Variants in C19orf67 observed in about 807,000 individuals in gnomAD.
The protein encoded by C19orf67 is chromosome 19 open reading frame 67.
In C19orf67, 28 loss-of-function variants were observed where a neutral mutation model predicts 41.4. That is an observed-to-expected ratio of 0.68 (90% confidence interval 0.50 to 0.93). The LOEUF (loss-of-function observed/expected upper bound fraction) is 0.93, where lower values mean the gene tolerates loss of function less well. Ranked by LOEUF, C19orf67 falls within the 40% of genes least tolerant of loss-of-function variation. The pLI, the probability that C19orf67 is intolerant of heterozygous loss-of-function variation, is 0.00. For missense variants in C19orf67, 421 were observed against 467.0 expected (o/e 0.90, Z 0.91); for synonymous variants, 242 against 203.4 (o/e 1.19, Z -1.62).
Position 14,083,893 on chromosome 19 carries a change from G to A in C19orf67, c.336-16C>T, listed in dbSNP as rs1450900280. ...TTGGTCTCTGCTGAAGGAAGAAGGG[G>A]GCCTTTGCCTGGAATCCCTCACAAC... On this transcript the variant is annotated splice_polypyrimidine_tract_variant and intron_variant, in intron 1 of 5. Coordinates refer to ENST00000548523, the MANE Select transcript of C19orf67 (RefSeq NM_001277378.2). 1 of 1,299,088 alleles carries A rather than the reference G, an allele frequency of 7.7e-7. No individual in the cohort carries two copies. The highest frequency in any genetic ancestry group is 1.5e-5 in the African/African-American group (1 of 67,184). The allele number at this position is 1,299,088 out of a possible 1,614,324, so 80.5% of individuals were successfully genotyped here.
In C19orf67 at chr19:14,081,638, T is replaced by C. The variant is rs1311000172; in HGVS notation, c.*196A>G. ...CTGAGCCTGTGACCTCTTTCTTTCT[T>C]TTATTTAACACAAAACTGACGTGTC... On this transcript the variant is annotated 3_prime_UTR_variant, in exon 6 of 6. Transcript: ENST00000548523. 2 of 431,848 alleles carry C rather than the reference T, an allele frequency of 4.6e-6. No individual in the cohort carries two copies. The highest frequency in any genetic ancestry group is 8.1e-6 in the Non-Finnish European group (2 of 247,018). The allele number at this position is 431,848 out of a possible 1,614,324, so 26.8% of individuals were successfully genotyped here.
chr19:14,082,445 C>T, intron 5 of C19orf67, 24 bp downstream of exon 5: 1 of 1,511,068 alleles, frequency 6.6e-7, no homozygotes, highest in Non-Finnish European at 8.8e-7. Context: ...CCCAGGCCCA[C>T]GTTGCTATTG....
In C19orf67 at chr19:14,083,311, G is replaced by T. The variant is rs1204928284; in HGVS notation, c.693C>A (p.Leu231=). Residue 231 remains leucine (L), a synonymous_variant, in exon 4 of 6, where the codon CTC becomes CTA. Coordinates refer to ENST00000548523, the MANE Select transcript of C19orf67 (RefSeq NM_001277378.2). ...AYTASRFPRY[L]YKKMRWHLEA... is the part of the protein sequence containing the mutation. ...CCAGGTGCCAGCGCATCTTCTTATA[G>T]AGGTAGCGGGGGAAGCGGCTGGCAG... is the stretch of plus-strand genomic sequence containing the variant. 6.5e-7 allele frequency: 1 copy of T among 1,536,106 alleles called. No individual in the cohort carries two copies. Among genetic ancestry groups the T allele is most frequent in the Non-Finnish European group, 8.7e-7 (1 of 1,146,900 alleles).
Position 14,083,448 on chromosome 19 carries a change from G to C in C19orf67, c.582-26C>G, listed in dbSNP as rs545983516. On this transcript the variant is annotated intron_variant, in intron 3 of 5. Transcript: ENST00000548523. ...CTGGCGAGACATGAGAGAATGGAGG[G>C]GTGAGGCTGGGCCTTGGACTCCTTC... 686 of 1,530,790 alleles carry C rather than the reference G, an allele frequency of 4.5e-4. 2 individuals carry two copies. Among genetic ancestry groups the C allele is most frequent in the East Asian group, 6.9e-4 (28 of 40,772 alleles). The allele number at this position is 1,530,790 out of a possible 1,614,324, so 94.8% of individuals were successfully genotyped here.
In C19orf67 at chr19:14,081,766, C is replaced by A; in HGVS notation, c.*68G>T. The A allele has an allele frequency of 1.5e-6, 2 of 1,291,822 alleles. No individual in the cohort carries two copies. Among genetic ancestry groups the A allele is most frequent in the Non-Finnish European group, 1.0e-6 (1 of 976,498 alleles). 80.0% of individuals were successfully genotyped at this position (1,291,822 alleles called of 1,614,324 possible). A position where few individuals can be genotyped will look rare whatever the true frequency, so the allele number is the denominator to read the frequency against. On this transcript the variant is annotated 3_prime_UTR_variant, in exon 6 of 6. Coordinates refer to ENST00000548523, the MANE Select transcript of C19orf67 (RefSeq NM_001277378.2). ...GGGCTGCACTGCGAGAACGAGTGAGCCCCTCCCCTGCCCCCTATTCTGGAG... is the reference window on the plus strand; with the variant it reads ...GGGCTGCACTGCGAGAACGAGTGAGACCCTCCCCTGCCCCCTATTCTGGAG...
intron 1 of C19orf67, among the ~76,000 whole-genome samples, chr19:14,084,572 T>A (rs1238910212): frequency 2.0e-5 from 3 of 151,200 alleles, no homozygotes; most frequent in Non-Finnish European, 4.4e-5. Context: ...GTGGCTCACG[T>A]CTGTAATTCC....
At position 14,085,684 on chromosome 19, in the gene C19orf67, G is replaced by A; in HGVS notation, c.-57C>T. 1 of 1,360,660 alleles carries A rather than the reference G, an allele frequency of 7.3e-7. No individual in the cohort carries two copies. 84.3% of individuals were successfully genotyped at this position (1,360,660 alleles called of 1,614,324 possible). ...TTAAGCTTCCGCTGCTGCTCAGGTT[G>A]GCCGCGGGTTCGACCCCGCCCCGGG... is the stretch of plus-strand genomic sequence containing the variant. On this transcript the variant is annotated 5_prime_UTR_variant, in exon 1 of 6. Transcript: ENST00000548523.
At chr19:14,082,858 T>C (rs1217177714) in intron 4 of C19orf67, among the ~76,000 whole-genome samples, 2 of 152,064 alleles carry the variant, frequency 1.3e-5, no homozygotes, top group African/African-American at 4.8e-5. Context: ...ACTTTTTTTT[T>C]TTTTTAAGAG....
At chr19:14,082,797 G>A (rs1346566936) in intron 4 of C19orf67, among the ~76,000 whole-genome samples, 194 bp from the exon 5 acceptor site, 1 of 151,840 alleles carries the variant, frequency 6.6e-6, no homozygotes, top group African/African-American at 2.4e-5. Flanking sequence ...TGGGAGGGTG[G>A]GTTTTAAGAA....
Position 14,083,624 on chromosome 19 carries a change from T to A in C19orf67, c.481-19A>T, listed in dbSNP as rs1243257902. 1.3e-6 allele frequency: 2 copies of A among 1,533,760 alleles called. No homozygotes were observed. The highest frequency in any genetic ancestry group is 1.7e-6 in the Non-Finnish European group (2 of 1,145,558). On this transcript the variant is annotated intron_variant, in intron 2 of 5. Transcript: ENST00000548523. The stretch of plus-strand genomic sequence containing the variant: ...CTAACAGCTGCATACAAGAGGGGGG[T>A]ACAGTGAGATCAGCTGGCCTGCGAG...
intron 1 of C19orf67, among the ~76,000 whole-genome samples, chr19:14,084,245 T>G (rs757771452): frequency 1.3e-5 from 2 of 151,538 alleles, no homozygotes; most frequent in African/African-American, 2.4e-5. Flanking sequence ...ACAAAAATAA[T>G]TAGCTGGGCA....
chr19:14,082,087 G>A, intron 5 of C19orf67, 79 bp from the exon 6 acceptor site: 2 of 1,229,434 alleles, frequency 1.6e-6, no homozygotes, highest in Non-Finnish European at 2.2e-6. Context: ...CTTTGAGTGA[G>A]AGGCTCAGGT....
In C19orf67 at chr19:14,083,836, G is replaced by C; in HGVS notation, c.377C>G (p.Pro126Arg). 7.2e-7 allele frequency: 1 copy of C among 1,396,452 alleles called. No homozygotes were observed. The highest frequency in any genetic ancestry group is 9.3e-7 in the Non-Finnish European group (1 of 1,075,464). 86.5% of individuals were successfully genotyped at this position (1,396,452 alleles called of 1,614,324 possible). ...VQKEQLAKAM[P>R]TFLQMCEPYF... ...GGGCTCACACATCTGTAAGAAGGTG[G>C]GCATGGCCTTGGCCAGCTGCTCCTT... is the stretch of plus-strand genomic sequence containing the variant. The change falls in exon 2 of 6, where the codon CCC (proline) becomes CGC (arginine). Residue 126 changes from proline to arginine, a missense_variant. Physicochemically the swap from Pro to Arg is moderately radical, Grantham distance 103. Coordinates refer to ENST00000548523, the MANE Select transcript of C19orf67 (RefSeq NM_001277378.2).
rs1282729770 is a variant in C19orf67, at chr19:14,085,638, G to C, written c.-11C>G. ...CTGCTCTGTAGCCATGGTAGGGCCG[G>C]GGGGCGGGAACCTGAGCTCTTTAAG... On this transcript the variant is annotated 5_prime_UTR_variant, in exon 1 of 6. Transcript: ENST00000548523. The C allele has an allele frequency of 3.3e-6, 5 of 1,521,716 alleles. No individual in the cohort carries two copies. The highest frequency in any genetic ancestry group is 2.4e-5 in the East Asian group (1 of 40,868). 94.3% of individuals were successfully genotyped at this position (1,521,716 alleles called of 1,614,324 possible).
In C19orf67 at chr19:14,082,104, G is replaced by C. The variant is rs868382453; in HGVS notation, c.903-96C>G. The C allele has an allele frequency of 9.8e-6, 11 of 1,125,980 alleles. 1 individual carries two copies. In the Middle Eastern group the frequency reaches 2.2e-3, roughly 229 times the overall value. 69.7% of individuals were successfully genotyped at this position (1,125,980 alleles called of 1,614,324 possible). A position where few individuals can be genotyped will look rare whatever the true frequency, so the allele number is the denominator to read the frequency against. ...TTGAGTGAGAGGCTCAGGTGAAAGA[G>C]GCTTTGTTTCAGCTGCGGGTGGGAA... On this transcript the variant is annotated intron_variant, in intron 5 of 5. Transcript: ENST00000548523.
intron 1 of C19orf67, among the ~76,000 whole-genome samples, chr19:14,084,388 TC>T (rs1383667327): frequency 6.8e-6 from 1 of 148,104 alleles, no homozygotes; most frequent in African/African-American, 2.6e-5. Context: ...AGACCCTGTC[TC>T]ATTAAAAAAA....
At chr19:14,083,971 T>TG in intron 1 of C19orf67, 94 bp from the exon 2 acceptor site, 2 of 1,200,576 alleles carry the variant, frequency 1.7e-6, no homozygotes, top group Non-Finnish European at 2.1e-6. Context: ...CCTGTATCCC[T>TG]GGCTTTGACC....
intron 4 of C19orf67, 67 bp downstream of exon 4, chr19:14,083,170 G>A: frequency 7.1e-7 from 1 of 1,402,356 alleles, no homozygotes; most frequent in East Asian, 2.5e-5. Flanking sequence ...GCTGGTGACG[G>A]TTTGGAGGGT....
chr19:14,081,776 G>T lies in C19orf67; in HGVS notation c.*58C>A. 7.4e-7 allele frequency: 1 copy of T among 1,354,284 alleles called. No homozygotes were observed. Among genetic ancestry groups the T allele is most frequent in the Non-Finnish European group, 9.7e-7 (1 of 1,026,334 alleles). The allele number at this position is 1,354,284 out of a possible 1,614,324, so 83.9% of individuals were successfully genotyped here. A position where few individuals can be genotyped will look rare whatever the true frequency, so the allele number is the denominator to read the frequency against. Reference sequence around the variant, plus strand: ...GCGAGAACGAGTGAGCCCCTCCCCTGCCCCCTATTCTGGAGTTTGGAACTG... The same window carrying T: ...GCGAGAACGAGTGAGCCCCTCCCCTTCCCCCTATTCTGGAGTTTGGAACTG... On this transcript the variant is annotated 3_prime_UTR_variant, in exon 6 of 6. Coordinates refer to ENST00000548523, the MANE Select transcript of C19orf67 (RefSeq NM_001277378.2).
Sources: allele counts gnomAD v4.1 joint callset (sites outside exome capture counted in the v4.1 genomes callset), GRCh38; gene constraint gnomAD v4.1.1; transcripts MANE v1.5; gene names NCBI Gene and HGNC (gene_info 2026-07-23, HGNC 2026-07-21).